The following SV2B variants were observed in gnomAD, a reference collection of about 807,000 sequenced individuals.
The protein encoded by SV2B is solute carrier family 22 member B2.
A neutral mutation model predicts 73.9 loss-of-function variants in SV2B; 41 were observed. The ratio of observed to expected loss-of-function variants is 0.56; its 90% CI spans 0.43 to 0.72. The LOEUF is 0.72. Ranked by LOEUF, SV2B falls within the 30% of genes least tolerant of loss-of-function variation. SV2B has a pLI of 0.00. For synonymous variants in SV2B, 314 were observed against 314.2 expected, an observed-to-expected ratio of 1.00 and a Z score of 0.01; for missense variants, 764 against 857.8, an observed-to-expected ratio of 0.89 and a Z score of 1.37.
chr15:91,253,488 G>T lies in SV2B; in HGVS notation c.784+968G>T, dbSNP rs1053618649. ...AGACAGTACCTACTGTATTAGTTAA[G>T]GTGTTGGACACTGGGTACATTACCT... On this transcript the variant is annotated intron_variant, in intron 4 of 12. Coordinates refer to ENST00000394232, the MANE Select transcript of SV2B (RefSeq NM_001323032.3). This position sits in a 1 kb window ranked among gnomAD's most constrained non-coding sequence, Gnocchi z 5.0. Among the ~76,000 whole-genome samples the T allele has an allele frequency of 3.9e-5, 6 of 152,224 alleles. No individual in the cohort carries two copies. Among genetic ancestry groups the T allele is most frequent in the African/African-American group, 1.4e-4 (6 of 41,460 alleles).
intron 1 of SV2B, among the ~76,000 whole-genome samples, chr15:91,143,916 C>A (rs1048731588): frequency 2.6e-5 from 4 of 152,160 alleles, no homozygotes; most frequent in African/African-American, 9.7e-5. Flanking sequence ...TCACTGGATT[C>A]TTTAGAGTCT....
intron 9 of SV2B, among the ~76,000 whole-genome samples, chr15:91,275,064 C>T (rs543800340): frequency 6.6e-6 from 1 of 152,078 alleles, no homozygotes; most frequent in Non-Finnish European, 1.5e-5. Flanking sequence ...TTAGGTCTTC[C>T]TTTCTCCACC....
chr15:91,276,802 GTTGTTATTA>G (rs1298090239), intron 9 of SV2B, among the ~76,000 whole-genome samples: 6 of 56,770 alleles, frequency 1.1e-4, no homozygotes, highest in Non-Finnish European at 2.7e-4. Flanking sequence ...TATTATTGTT[GTTGTTATTA>G]TTATTATTAT....
Position 91,252,037 on chromosome 15 carries a change from C to A in SV2B, c.632+38C>A. ...GGAGGTGGAGCTGGACCATCCCAGA[C>A]CAATGGCCCATCCATTCTGGTATTC... On this transcript the variant is annotated intron_variant, in intron 3 of 12. Transcript: ENST00000394232. This position sits in a 1 kb window ranked among gnomAD's most constrained non-coding sequence, Gnocchi z 4.6. The A allele has an allele frequency of 1.2e-6, 2 of 1,601,370 alleles. No individual in the cohort carries two copies. Among genetic ancestry groups the A allele is most frequent in the Non-Finnish European group, 1.7e-6 (2 of 1,172,416 alleles).
rs2042991459 is a variant in SV2B at position 91,141,368 on chromosome 15, A to G, written c.-392+41005A>G. Among the ~76,000 whole-genome samples, 1 of 152,172 alleles carries G rather than the reference A, an allele frequency of 6.6e-6. No homozygotes were observed. Among genetic ancestry groups the G allele is most frequent in the Non-Finnish European group, 1.5e-5 (1 of 68,026 alleles). On this transcript the variant is annotated intron_variant, in intron 1 of 12. Transcript: ENST00000394232. This position sits in a 1 kb window ranked among gnomAD's most constrained non-coding sequence, Gnocchi z 4.6. ...AACAGGGCCTTGCTCTTCTTCAGGAAGACTTGGAGTTTTCAGGAGCATCTT... is the reference window on the plus strand; with the variant it reads ...AACAGGGCCTTGCTCTTCTTCAGGAGGACTTGGAGTTTTCAGGAGCATCTT...
At chr15:91,161,991 C>G (rs2043736278) in intron 1 of SV2B, among the ~76,000 whole-genome samples, 1 of 152,126 alleles carries the variant, frequency 6.6e-6, no homozygotes, top group Non-Finnish European at 1.5e-5. Context: ...CCACAGATGA[C>G]AATACAAGTG....
At chr15:91,217,730 C>G (rs1015478167) in intron 1 of SV2B, among the ~76,000 whole-genome samples, 8 of 152,220 alleles carry the variant, frequency 5.3e-5, no homozygotes, top group African/African-American at 1.9e-4. Flanking sequence ...TTCACAGATA[C>G]ATGAGAAAAT....
chr15:91,237,241 C>G (rs2046819791), intron 2 of SV2B, among the ~76,000 whole-genome samples: 1 of 152,162 alleles, frequency 6.6e-6, no homozygotes. Context: ...CTCTCAAAGT[C>G]ATGCACTATT....
chr15:91,226,602 C>T lies in SV2B; in HGVS notation c.339C>T (p.Phe113=), dbSNP rs777632691. The change falls in exon 2 of 13, where the codon TTC becomes TTT. Residue 113 remains phenylalanine, a synonymous_variant. Transcript: ENST00000394232. ...GHGRFQWILF[F]VLGLALMADG... ...GCCGCTTCCAGTGGATCCTCTTTTTCGTCTTGGGTTTGGCCCTGATGGCCG... is the reference window on the plus strand; with the variant it reads ...GCCGCTTCCAGTGGATCCTCTTTTTTGTCTTGGGTTTGGCCCTGATGGCCG... The T allele has an allele frequency of 2.5e-5, 41 of 1,613,998 alleles. No individual in the cohort carries two copies. Among genetic ancestry groups the T allele is most frequent in the Admixed American group, 3.3e-5 (2 of 60,000 alleles).
chr15:91,166,974 C>T (rs1207155279), intron 1 of SV2B, among the ~76,000 whole-genome samples: 4 of 152,016 alleles, frequency 2.6e-5, no homozygotes, highest in South Asian at 2.1e-4. Context: ...CCACCATGCC[C>T]GGCTATTTTT....
At position 91,261,262 on chromosome 15, in the gene SV2B, G is replaced by GA. The variant is rs36020382; in HGVS notation, c.1008+862dup. On this transcript the variant is annotated intron_variant, in intron 6 of 12. Coordinates refer to ENST00000394232, the MANE Select transcript of SV2B (RefSeq NM_001323032.3). This position sits in a 1 kb window ranked among gnomAD's most constrained non-coding sequence, Gnocchi z 4.7. ...TGGGCAACAGAGCAGGACTGTGTCT[G>GA]AAAAAAAAAGATAACAGAAATAAAC... Among the ~76,000 whole-genome samples, 604 of 150,460 alleles carry GA rather than the reference G, an allele frequency of 4.0e-3. 2 individuals are homozygous for GA. Among genetic ancestry groups the GA allele is most frequent in the African/African-American group, 0.014 (566 of 40,960 alleles).
intron 1 of SV2B, among the ~76,000 whole-genome samples, chr15:91,101,346 A>G (rs1349312969): frequency 6.6e-6 from 1 of 152,094 alleles, no homozygotes; most frequent in Non-Finnish European, 1.5e-5. Context: ...CCTTTCCAGA[A>G]GAGGTGACTT....
At chr15:91,168,607 C>T (rs539803185) in intron 1 of SV2B, among the ~76,000 whole-genome samples, 1 of 152,248 alleles carries the variant, frequency 6.6e-6, no homozygotes, top group East Asian at 1.9e-4. Context: ...TCCATCTGTG[C>T]CTGCTGTGTA....
intron 1 of SV2B, among the ~76,000 whole-genome samples, chr15:91,131,433 A>G (rs1465649700): frequency 6.6e-6 from 1 of 151,722 alleles, no homozygotes; most frequent in Non-Finnish European, 1.5e-5. Context: ...ACATATACAC[A>G]TATATGTTTG....
At chr15:91,135,166 C>G (rs1209071439) in intron 1 of SV2B, among the ~76,000 whole-genome samples, 2 of 152,044 alleles carry the variant, frequency 1.3e-5, no homozygotes, top group Non-Finnish European at 2.9e-5. Flanking sequence ...AATTCTAATA[C>G]TACAGATATA....
chr15:91,197,476 G>A lies in SV2B; in HGVS notation c.-391-28397G>A, dbSNP rs1284505845. ...CGACTTCAGGTCATCCACCTGCCTC[G>A]GCCTCCCATAGTGCTGGGATTACAG... On this transcript the variant is annotated intron_variant, in intron 1 of 12. Transcript: ENST00000394232. This position sits in a 1 kb window ranked among gnomAD's most constrained non-coding sequence, Gnocchi z 4.9. 2.0e-5 allele frequency among the ~76,000 whole-genome samples: 3 copies of A among 151,352 alleles called. No homozygotes were observed. Among genetic ancestry groups the A allele is most frequent in the Non-Finnish European group, 4.4e-5 (3 of 67,858 alleles).
Position 91,297,508 on chromosome 15 carries a change from T to G in SV2B, c.*4956T>G, listed in dbSNP as rs1693971719. 1 of 152,136 alleles carries G rather than the reference T, an allele frequency of 6.6e-6. No individual in the cohort carries two copies. Among genetic ancestry groups the G allele is most frequent in the Admixed American group, 6.5e-5 (1 of 15,278 alleles). The allele number at this position is 152,136 out of a possible 1,614,324, so 9.4% of individuals were successfully genotyped here. On this transcript the variant is annotated 3_prime_UTR_variant, in exon 13 of 13. Transcript: ENST00000394232. This position sits in a 1 kb window ranked among gnomAD's most constrained non-coding sequence, Gnocchi z 5.1. ...AAGGCCCCATCCCCAGAGATTCGGA[T>G]TCTGGGGATTTGGAATCTGGGGTGG...
At chr15:91,117,565 C>G (rs185408492) in intron 1 of SV2B, among the ~76,000 whole-genome samples, 1 of 152,368 alleles carries the variant, frequency 6.6e-6, no homozygotes, top group Non-Finnish European at 1.5e-5. Context: ...CCACCAGATG[C>G]TACCAGCAGC....
chr15:91,228,368 TA>T (rs1567366853), intron 2 of SV2B, among the ~76,000 whole-genome samples: 1 of 152,146 alleles, frequency 6.6e-6, no homozygotes, highest in East Asian at 1.9e-4. Flanking sequence ...GTATAAATAA[TA>T]GATTTTTTTT....
Sources: gnomAD v4.1 joint callset for allele counts (sites outside exome capture counted in the v4.1 genomes callset) on GRCh38, gnomAD v4.1.1 for gene constraint, Gnocchi (gnomAD v3.1) non-coding constraint, MANE v1.5 for transcripts, NCBI Gene and HGNC (gene_info 2026-07-23, HGNC 2026-07-21) for gene names.